The following DHDDS variants were observed in gnomAD, a reference collection of about 807,000 sequenced individuals.
The protein encoded by DHDDS is dehydrodolichyl diphosphate synthase subunit, also known as dehydrodolichyl diphosphate synthase complex subunit DHDDS.
DHDDS carries 16 observed loss-of-function variants against 46.2 expected under a neutral mutation model. The observed-to-expected ratio is 0.35, with a 90% CI of 0.23 to 0.53. The LOEUF (loss-of-function observed/expected upper bound fraction) is 0.53. Among genes scored for constraint, DHDDS ranks in the 20% least tolerant of loss-of-function variants. The probability of loss-of-function intolerance (pLI) is 0.94; values close to 1 mark genes in which losing one functional copy is unlikely to be tolerated. For synonymous variants in DHDDS, 151 were observed against 163.1 expected, an observed-to-expected ratio of 0.93 and a Z score of 0.56; for missense variants, 340 against 423.7, an observed-to-expected ratio of 0.80 and a Z score of 1.73.
chr1:26,438,088 A>T (rs977067015), intron 2 of DHDDS, 80 bp from the exon 3 acceptor site: 2 of 1,457,996 alleles, frequency 1.4e-6, no homozygotes, highest in East Asian at 4.5e-5. Context: ...TAGCCCAAAC[A>T]TATCACCTTG....
chr1:26,440,109 C>T (rs1474170093), intron 3 of DHDDS, among the ~76,000 whole-genome samples: 4 of 151,978 alleles, frequency 2.6e-5, no homozygotes, highest in Admixed American at 6.6e-5. Flanking sequence ...CACTGCACTC[C>T]GCCTGGGCAA....
chr1:26,451,660 GCT>G (rs2075322697), intron 6 of DHDDS, among the ~76,000 whole-genome samples: 1 of 140,026 alleles, frequency 7.1e-6, no homozygotes, highest in African/African-American at 2.7e-5. Flanking sequence ...ACAGAGTCTC[GCT>G]CTGTCGCCCA....
chr1:26,447,895 CA>C, intron 6 of DHDDS: 3 of 607,106 alleles, frequency 4.9e-6, no homozygotes, highest in Non-Finnish European at 8.8e-6. Flanking sequence ...TGTACTTGGC[CA>C]GAGGTCTAAT....
intron 4 of DHDDS, among the ~76,000 whole-genome samples, chr1:26,444,347 T>C (rs1378190454): frequency 6.6e-6 from 1 of 152,184 alleles, no homozygotes; most frequent in Non-Finnish European, 1.5e-5. Flanking sequence ...GTTGGGCTTC[T>C]GTGTAGAATT....
At chr1:26,444,447 A>G (rs2075249481) in intron 4 of DHDDS, among the ~76,000 whole-genome samples, 1 of 152,230 alleles carries the variant, frequency 6.6e-6, no homozygotes. Flanking sequence ...AAACCCTAGT[A>G]AAGAGAAGAG....
chr1:26,432,714 GCC>G, intron 1 of DHDDS, 175 bp from the exon 2 acceptor site: 1 of 566,726 alleles, frequency 1.8e-6, no homozygotes, highest in Non-Finnish European at 3.2e-6. Flanking sequence ...AAAGGCTTTT[GCC>G]TCCAGAGGTC....
At chr1:26,451,631 C>CTTT (rs201092863) in intron 6 of DHDDS, among the ~76,000 whole-genome samples, 1 of 129,974 alleles carries the variant, frequency 7.7e-6, no homozygotes, top group African/African-American at 2.8e-5. Flanking sequence ...ATTTTTTTTT[C>CTTT]TTTTTTTTTT....
chr1:26,460,002 T>G (rs771764946), intron 7 of DHDDS, 35 bp from the exon 8 acceptor site: 6 of 1,559,784 alleles, frequency 3.8e-6, no homozygotes, highest in Non-Finnish European at 5.3e-6. Flanking sequence ...CAGCAACATG[T>G]TACTAAATCA....
intron 2 of DHDDS, among the ~76,000 whole-genome samples, chr1:26,437,861 C>T (rs1570331883): frequency 6.6e-6 from 1 of 151,742 alleles, no homozygotes; most frequent in African/African-American, 2.4e-5. Context: ...GCTGGTAGCC[C>T]TGGCTACTCA....
chr1:26,452,899 G>C (rs2075334802), intron 6 of DHDDS, among the ~76,000 whole-genome samples: 1 of 152,120 alleles, frequency 6.6e-6, no homozygotes, highest in Non-Finnish European at 1.5e-5. Flanking sequence ...TGGAGTTTGA[G>C]ACCAGCCCTG....
chr1:26,454,111 G>A (rs962556436), intron 6 of DHDDS, among the ~76,000 whole-genome samples: 2 of 152,044 alleles, frequency 1.3e-5, no homozygotes, highest in East Asian at 1.9e-4. Flanking sequence ...CCACCACCAC[G>A]CCCGGCTAAT....
chr1:26,467,569 C>T, intron 8 of DHDDS: 1 of 314,662 alleles, frequency 3.2e-6, no homozygotes. Flanking sequence ...GAAAGTACCT[C>T]CCTCACAGCT....
At chr1:26,466,876 G>C (rs768778716) in intron 8 of DHDDS, among the ~76,000 whole-genome samples, 2 of 152,154 alleles carry the variant, frequency 1.3e-5, no homozygotes, top group East Asian at 1.9e-4. Context: ...CTCTTATCCC[G>C]GTTTTGCAGA....
intron 3 of DHDDS, among the ~76,000 whole-genome samples, chr1:26,442,078 G>T (rs555555689): frequency 3.9e-5 from 6 of 152,258 alleles, no homozygotes; most frequent in Admixed American, 6.5e-5. Flanking sequence ...GAATCAGACA[G>T]TTGAGGATTT....
At chr1:26,450,504 T>G (rs1353623285) in intron 6 of DHDDS, among the ~76,000 whole-genome samples, 1 of 152,160 alleles carries the variant, frequency 6.6e-6, no homozygotes, top group African/African-American at 2.4e-5. Flanking sequence ...TTTGAGGAAC[T>G]CTACCCTTTA....
In DHDDS at chr1:26,469,347, G is replaced by A. The variant is rs1371381086; in HGVS notation, c.*216G>A. 6.1e-6 allele frequency: 5 copies of A among 820,512 alleles called. No homozygotes were observed. The highest frequency in any genetic ancestry group is 9.6e-6 in the Non-Finnish European group (5 of 522,294). The allele number at this position is 820,512 out of a possible 1,614,324, so 50.8% of individuals were successfully genotyped here. On this transcript the variant is annotated 3_prime_UTR_variant, in exon 9 of 9. Transcript: ENST00000236342. ...GATTGAGGGTGAAAGTCTCCCACGA[G>A]TACACTAAACCTAGGTCTGGTCACC... is the stretch of plus-strand genomic sequence containing the variant.
rs752722280 is a variant in DHDDS at position 26,447,593 on chromosome 1, C to T, written c.475C>T (p.Arg159Cys). The T allele has an allele frequency of 2.8e-5, 46 of 1,614,170 alleles. No homozygotes were observed. The highest frequency in any genetic ancestry group is 3.6e-5 in the Non-Finnish European group (43 of 1,180,036). ...FLNVCFAYTS[R>C]HEISNAVREM... ...GAATGTCTGTTTTGCATACACATCC[C>T]GTCATGAGATCAGCAATGCTGTGAG... The change falls in exon 6 of 9, where the codon CGT becomes TGT. Residue 159 changes from arginine (R) to cysteine (C), a missense_variant. Arg to Cys is a radical substitution (Grantham distance 180). This residue lies in a region of DHDDS where 268 missense variants were observed against 300.3 expected (regional missense o/e 0.89). Coordinates refer to ENST00000236342, the MANE Select transcript of DHDDS (RefSeq NM_205861.3).
chr1:26,468,866 C>G, intron 8 of DHDDS, 29 bp from the exon 9 acceptor site: 3 of 1,613,416 alleles, frequency 1.9e-6, no homozygotes, highest in African/African-American at 1.3e-5. Context: ...AATGATCTCC[C>G]CACCCCAATC....
intron 3 of DHDDS, among the ~76,000 whole-genome samples, chr1:26,440,393 C>G (rs2075206557): frequency 1.3e-5 from 2 of 152,194 alleles, no homozygotes; most frequent in South Asian, 4.1e-4. Context: ...ATTGGCACCC[C>G]TGCTTTGTCA....
Sources: gnomAD v4.1 joint callset for allele counts (sites outside exome capture counted in the v4.1 genomes callset) on GRCh38, gnomAD v4.1.1 for gene constraint, gnomAD v4.1.1 regional missense constraint, MANE v1.5 for transcripts, NCBI Gene and HGNC (gene_info 2026-07-23, HGNC 2026-07-21) for gene names.